OPRM1: variants seen among roughly 807,000 people sequenced by gnomAD.
The protein encoded by OPRM1 is opioid receptor mu 1.
A neutral mutation model predicts 31.8 loss-of-function variants in OPRM1; 27 were observed. The observed-to-expected ratio is 0.85, with a 90% confidence interval of 0.63 to 1.17. The LOEUF (loss-of-function observed/expected upper bound fraction) is 1.17. Ranked by LOEUF, OPRM1 falls within the 50% of genes most tolerant of loss-of-function variation. The pLI is 0.00. For missense variants in OPRM1, 536 were observed against 511.1 expected (o/e 1.05, Z -0.47); for synonymous variants, 196 against 189.9 (o/e 1.03, Z -0.26).
At chr6:154,021,517 G>A (rs1307817865) in intron 1 of OPRM1, among the ~76,000 whole-genome samples, 2 of 152,124 alleles carry the variant, frequency 1.3e-5, no homozygotes, top group East Asian at 3.8e-4. Context: ...TTTTGATTGG[G>A]TCTGCCTTGG....
intron 3 of OPRM1, among the ~76,000 whole-genome samples, chr6:154,195,113 G>C (rs1347579493): frequency 6.7e-6 from 1 of 149,390 alleles, no homozygotes; most frequent in Non-Finnish European, 1.5e-5. Context: ...CTTCTTCCCT[G>C]CACTCTACAG....
Position 154,119,887 on chromosome 6 carries a change from G to T in OPRM1, c.*1166G>T, listed in dbSNP as rs902473432. 6.6e-6 allele frequency among the ~76,000 whole-genome samples: 1 copy of T among 152,106 alleles called. No individual in the cohort carries two copies. The highest frequency in any genetic ancestry group is 2.4e-5 in the African/African-American group (1 of 41,430). On this transcript the variant is annotated 3_prime_UTR_variant, in exon 4 of 4. Transcript: ENST00000330432. The stretch of plus-strand genomic sequence containing the variant: ...ATATAATGTCATCACCAATATTTTG[G>T]TCTTTTTGATCTCTGCTAAATGTCA...
chr6:154,091,566 A>G (rs774702812), intron 3 of OPRM1, 94 bp downstream of exon 3: 3 of 1,471,646 alleles, frequency 2.0e-6, no homozygotes, highest in African/African-American at 2.8e-5. Flanking sequence ...ATTATAGAGG[A>G]TGAGAATGGA....
intron 3 of OPRM1, among the ~76,000 whole-genome samples, chr6:154,232,667 A>G (rs1328227050): frequency 6.6e-6 from 1 of 152,194 alleles, no homozygotes; most frequent in African/African-American, 2.4e-5. Flanking sequence ...ATGGCACAGA[A>G]AAAAACAACC....
intron 1 of OPRM1, among the ~76,000 whole-genome samples, chr6:154,028,692 C>A (rs1010540338): frequency 3.9e-5 from 6 of 152,180 alleles, no homozygotes; most frequent in African/African-American, 1.4e-4. Flanking sequence ...CCTCCATGGG[C>A]AGGCATCAAC....
At position 154,127,371 on chromosome 6, in the gene OPRM1, A is replaced by G. The variant is rs578042776; in HGVS notation, c.*8650A>G. ...CAGTTAGGTGTTTTCAGAAACACCTATGCCCTACTTGCCTACTCTTCAAGG... is the reference window on the plus strand; with the variant it reads ...CAGTTAGGTGTTTTCAGAAACACCTGTGCCCTACTTGCCTACTCTTCAAGG... On this transcript the variant is annotated 3_prime_UTR_variant, in exon 4 of 4. Transcript: ENST00000330432. Among the ~76,000 whole-genome samples the G allele has an allele frequency of 2.0e-5, 3 of 152,302 alleles. No individual in the cohort carries two copies. Among genetic ancestry groups the G allele is most frequent in the East Asian group, 3.9e-4 (2 of 5,178 alleles).
At chr6:154,077,878 T>C (rs1396551148) in intron 1 of OPRM1, among the ~76,000 whole-genome samples, 1 of 151,748 alleles carries the variant, frequency 6.6e-6, no homozygotes, top group Non-Finnish European at 1.5e-5. Context: ...CCATCTACTT[T>C]TTTTTTTTTA....
chr6:154,203,322 C>T (rs985164022), intron 3 of OPRM1, among the ~76,000 whole-genome samples: 5 of 152,168 alleles, frequency 3.3e-5, no homozygotes, highest in Admixed American at 6.5e-5. Context: ...CAGGTAGGTG[C>T]TTTGCCTGGT....
chr6:154,084,720 A>G (rs905711615), intron 1 of OPRM1, among the ~76,000 whole-genome samples: 1 of 152,174 alleles, frequency 6.6e-6, no homozygotes, highest in Non-Finnish European at 1.5e-5. Context: ...TTCCAAGCAC[A>G]TTGCTGAACA....
chr6:154,028,096 T>C (rs570411557), intron 1 of OPRM1, among the ~76,000 whole-genome samples: 1 of 152,300 alleles, frequency 6.6e-6, no homozygotes, highest in East Asian at 1.9e-4. Context: ...TGAGTCTCAC[T>C]TGAAGCCATC....
upstream of OPRM1, among the ~76,000 whole-genome samples, chr6:154,034,370 G>A (rs1779175157): frequency 6.6e-6 from 1 of 152,000 alleles, no homozygotes; most frequent in Admixed American, 6.6e-5. Context: ...CGGTGAAACC[G>A]CGTCTCTACT....
At position 154,127,799 on chromosome 6, in the gene OPRM1, G is replaced by A. The variant is rs1387294982; in HGVS notation, c.*9078G>A. 1.3e-5 allele frequency among the ~76,000 whole-genome samples: 2 copies of A among 152,160 alleles called. No individual in the cohort carries two copies. The highest frequency in any genetic ancestry group is 2.9e-5 in the Non-Finnish European group (2 of 68,040). On this transcript the variant is annotated 3_prime_UTR_variant, in exon 4 of 4. Coordinates refer to ENST00000330432, the MANE Select transcript of OPRM1 (RefSeq NM_000914.5). Reference sequence around the variant, plus strand: ...TAATGCCTGTTCCTGCCTCTGCAGGGGTTCATTCAGAAAACAGGAAAATAA... The same window carrying A: ...TAATGCCTGTTCCTGCCTCTGCAGGAGTTCATTCAGAAAACAGGAAAATAA...
chr6:154,197,239 A>T (rs188105602), intron 3 of OPRM1, among the ~76,000 whole-genome samples: 19 of 152,362 alleles, frequency 1.2e-4, no homozygotes, highest in African/African-American at 4.6e-4. Flanking sequence ...CACAAAAATG[A>T]AAAGCTACCT....
chr6:154,096,785 C>T (rs1583519279), intron 3 of OPRM1, among the ~76,000 whole-genome samples: 1 of 152,184 alleles, frequency 6.6e-6, no homozygotes, highest in African/African-American at 2.4e-5. Context: ...TGCTTTCCTA[C>T]ACAATGCTAC....
In OPRM1 at chr6:154,168,030, G is replaced by A. The variant is rs754352746; in HGVS notation, c.1164+76558G>A. ...AACTCCTTTTTAGTCGAAGGTCGTC[G>A]GTCCCCAAGAGGAGATAGACTAGCT... On this transcript the variant is annotated intron_variant, in intron 3 of 3. Coordinates refer to the OPRM1 transcript ENST00000337049. The surrounding 1 kb of genome is among the most constrained non-coding windows in gnomAD (Gnocchi z 4.1). The A allele has an allele frequency of 1.1e-5, 18 of 1,610,534 alleles. No individual in the cohort carries two copies. The highest frequency in any genetic ancestry group is 1.4e-5 in the Non-Finnish European group (16 of 1,177,496).
intron 3 of OPRM1, among the ~76,000 whole-genome samples, chr6:154,175,178 TA>T (rs1800207910): frequency 6.6e-6 from 1 of 152,196 alleles, no homozygotes; most frequent in Admixed American, 6.5e-5. Context: ...AAGCAGTGTT[TA>T]GAGGGAAATT....
intron 3 of OPRM1, among the ~76,000 whole-genome samples, chr6:154,228,212 T>G (rs1023054867): frequency 1.3e-5 from 2 of 151,918 alleles, no homozygotes; most frequent in African/African-American, 4.8e-5. Context: ...ACGCCTGTAA[T>G]CCCAGCGCTT....
intron 3 of OPRM1, among the ~76,000 whole-genome samples, chr6:154,146,809 G>C (rs1375894397): frequency 6.6e-6 from 1 of 152,158 alleles, no homozygotes; most frequent in Non-Finnish European, 1.5e-5. Context: ...CCTAGGTCAG[G>C]TTCCAGAGAA....
At chr6:154,216,713 C>A (rs1778423967) in intron 3 of OPRM1, among the ~76,000 whole-genome samples, 1 of 152,078 alleles carries the variant, frequency 6.6e-6, no homozygotes, top group Non-Finnish European at 1.5e-5. Context: ...ACCAAAAATA[C>A]AAAAATTAGC....
Sources: gnomAD v4.1 joint callset for allele counts (sites outside exome capture counted in the v4.1 genomes callset) on GRCh38, gnomAD v4.1.1 for gene constraint, Gnocchi (gnomAD v3.1) non-coding constraint, MANE v1.5 for transcripts, NCBI Gene and HGNC (gene_info 2026-07-23, HGNC 2026-07-21) for gene names.